The following MKS1 variants were observed in gnomAD, a reference collection of about 807,000 sequenced individuals.
MKS1 encodes the protein MKS transition zone complex subunit 1.
MKS1 carries 70 observed loss-of-function variants against 83.7 expected under a neutral mutation model. The observed-to-expected ratio is 0.84, with a 90% CI of 0.69 to 1.02. The LOEUF (loss-of-function observed/expected upper bound fraction) is 1.02. Among genes scored for constraint, MKS1 ranks in the 50% least tolerant of loss-of-function variants. MKS1 has a pLI of 0.00. For missense variants in MKS1, 681 were observed against 726.9 expected, an observed-to-expected ratio of 0.94 and a Z score of 0.73; for synonymous variants, 251 against 273.4, an observed-to-expected ratio of 0.92 and a Z score of 0.81.
intron 8 of MKS1, among the ~76,000 whole-genome samples, 194 bp from the exon 9 acceptor site, chr17:58,212,628 G>A (rs1199357346): frequency 6.6e-6 from 1 of 152,106 alleles, no homozygotes; most frequent in Non-Finnish European, 1.5e-5. Context: ...CCTGACTCTC[G>A]CCCTTACAAG....
At chr17:58,207,720 G>A (rs1002258061) in intron 14 of MKS1, 174 bp downstream of exon 14, 15 of 695,680 alleles carry the variant, frequency 2.2e-5, no homozygotes, top group African/African-American at 2.1e-4. Flanking sequence ...CCAAGGCCAC[G>A]TCATTGTCGC....
intron 10 of MKS1, 82 bp from the exon 11 acceptor site, chr17:58,210,806 C>T: frequency 6.7e-7 from 1 of 1,485,862 alleles, no homozygotes; most frequent in Non-Finnish European, 9.4e-7. Context: ...GGCCTACACA[C>T]CCTGAGAGCA....
chr17:58,208,629 C>T, intron 11 of MKS1, 46 bp from the exon 12 acceptor site: 2 of 1,524,582 alleles, frequency 1.3e-6, no homozygotes, highest in Non-Finnish European at 1.8e-6. Context: ...GGGAGGAAAG[C>T]AAGTCATTCA....
chr17:58,217,893 T>C (rs1214140741), intron 2 of MKS1, among the ~76,000 whole-genome samples: 4 of 152,176 alleles, frequency 2.6e-5, no homozygotes, highest in Non-Finnish European at 4.4e-5. Context: ...TTTCACAACC[T>C]GTGAGCCCAC....
intron 4 of MKS1, among the ~76,000 whole-genome samples, chr17:58,215,287 A>G (rs1254553141): frequency 6.6e-6 from 1 of 152,128 alleles, no homozygotes; most frequent in Non-Finnish European, 1.5e-5. Flanking sequence ...TTTTTTTAAG[A>G]GACAGGGTCT....
chr17:58,206,421 C>T lies in MKS1; in HGVS notation c.1491-41G>A, dbSNP rs1045585984. 2.5e-6 allele frequency: 4 copies of T among 1,613,942 alleles called. No homozygotes were observed. The African/African-American group carries it at 5.3e-5, about 22-fold the overall frequency. ...CCACATGGTTACGGCTGTCTCCACCCCTCAGGGCTAAGGTGCCCTGAGGCA... is the reference window on the plus strand; with the variant it reads ...CCACATGGTTACGGCTGTCTCCACCTCTCAGGGCTAAGGTGCCCTGAGGCA... On this transcript the variant is annotated intron_variant, in intron 16 of 17. Coordinates refer to ENST00000393119, the MANE Select transcript of MKS1 (RefSeq NM_017777.4).
rs1166983632 is a variant in MKS1, at chr17:58,213,845, A to G, written c.669T>C (p.His223=). ...YKKLGYKKYE[H]VLCTLKVDSN... is the part of the protein sequence containing the mutation. ...TATCCACCTTCAGAGTACACAGGAC[A>G]TGTTCATACTTCTTATAGCCAAGCC... The change falls in exon 7 of 18, where the codon CAT becomes CAC. Residue 223 remains histidine, a synonymous_variant. Coordinates refer to ENST00000393119, the MANE Select transcript of MKS1 (RefSeq NM_017777.4). 1.2e-6 allele frequency: 2 copies of G among 1,614,098 alleles called. No individual in the cohort carries two copies. Among genetic ancestry groups the G allele is most frequent in the Admixed American group, 1.7e-5 (1 of 60,024 alleles).
Position 58,213,047 on chromosome 17 carries a change from T to A in MKS1, c.793A>T (p.Ile265Phe), listed in dbSNP as rs2143794697. The change falls in exon 8 of 18, where the codon ATC (isoleucine) becomes TTC (phenylalanine). Residue 265 changes from isoleucine to phenylalanine, a missense_variant. Ile to Phe is a conservative substitution (Grantham distance 21). Transcript: ENST00000393119. ...TGTGCGTGGGGGGAAACATTGTCGA[T>A]CGTATATTTCCACAGCTCCTGCTTC... ...GEKQELWKYT[I>F]DNVSPHAQPE... is the part of the protein sequence containing the mutation. The A allele has an allele frequency of 6.2e-7, 1 of 1,614,078 alleles. No individual in the cohort carries two copies. Among genetic ancestry groups the A allele is most frequent in the Non-Finnish European group, 8.5e-7 (1 of 1,180,026 alleles).
intron 14 of MKS1, 143 bp from the exon 15 acceptor site, chr17:58,207,361 T>G: frequency 8.7e-7 from 1 of 1,147,846 alleles, no homozygotes; most frequent in Non-Finnish European, 1.2e-6. Flanking sequence ...GTTATCATGG[T>G]TACCCATAGC....
chr17:58,211,704 A>G (rs1189199218), intron 9 of MKS1, among the ~76,000 whole-genome samples: 1 of 150,608 alleles, frequency 6.6e-6, no homozygotes, highest in Non-Finnish European at 1.5e-5. Flanking sequence ...CTGGGACTAC[A>G]GGTATGTATC....
At position 58,213,092 on chromosome 17, in the gene MKS1, T is replaced by C. The variant is rs1396755816; in HGVS notation, c.750-2A>G. ...TGCTTCTCCCCCTCCGTCTCAATCC[T>C]GTAAGGTCAAAACCACAGAAAGGAG... On this transcript the variant is annotated splice_acceptor_variant, in intron 7 of 17. Coordinates refer to ENST00000393119, the MANE Select transcript of MKS1 (RefSeq NM_017777.4). LOFTEE classifies it high-confidence loss of function. 1 of 1,613,972 alleles carries C rather than the reference T, an allele frequency of 6.2e-7. No individual in the cohort carries two copies. The highest frequency in any genetic ancestry group is 1.1e-5 in the South Asian group (1 of 91,072).
chr17:58,206,525 C>A lies in MKS1; in HGVS notation c.1430G>T (p.Gly477Val), dbSNP rs770548274. 1 of 1,613,592 alleles carries A rather than the reference C, an allele frequency of 6.2e-7. No homozygotes were observed. The highest frequency in any genetic ancestry group is 8.5e-7 in the Non-Finnish European group (1 of 1,180,002). ...AGTGCCTGTGGTCTCTGTGCGGAGT[C>A]CAAAGCGGCTCAGGCGTTCCCCCTG... Reference protein sequence around the residue: ...SFKGERLSRFGLRTETTGTVT... With the variant: ...SFKGERLSRFVLRTETTGTVT... The change falls in exon 16 of 18, where the codon GGA (glycine) becomes GTA (valine). Residue 477 changes from glycine to valine, a missense_variant. Gly to Val is a moderately radical substitution (Grantham distance 109). This residue lies in a region of MKS1 where 310 missense variants were observed against 321.7 expected (regional missense o/e 0.96). Coordinates refer to ENST00000393119, the MANE Select transcript of MKS1 (RefSeq NM_017777.4).
At chr17:58,214,951 T>C in intron 4 of MKS1, 113 bp from the exon 5 acceptor site, 2 of 1,495,382 alleles carry the variant, frequency 1.3e-6, no homozygotes, top group South Asian at 2.4e-5. Context: ...ACCCCACAGG[T>C]TCCGCCACCT....
At chr17:58,218,228 C>A (rs1490232609) in intron 2 of MKS1, among the ~76,000 whole-genome samples, 1 of 152,026 alleles carries the variant, frequency 6.6e-6, no homozygotes, top group Non-Finnish European at 1.5e-5. Context: ...GCGGGCGGAT[C>A]ACGAGGTCAG....
rs1555596845 is a variant in MKS1 at position 58,206,492 on chromosome 17, AAGGTGACAGTGCCTGTGGTCTCTGTGCGG to A, written c.1434_1462del (p.Arg479ProfsTer102). The stretch of plus-strand genomic sequence containing the variant: ...GGACTGCTGCAGACAGTGCAAGCGG[AAGGTGACAGTGCCTGTGGTCTCTGTGCGG>A]AGTCCAAAGCGGCTCAGGCGTTCCC... On this transcript the variant is annotated frameshift_variant, in exon 16 of 18. Coordinates refer to ENST00000393119, the MANE Select transcript of MKS1 (RefSeq NM_017777.4). LOFTEE classifies it high-confidence loss of function. 1 of 1,614,064 alleles carries A rather than the reference AAGGTGACAGTGCCTGTGGTCTCTGTGCGG, an allele frequency of 6.2e-7. No homozygotes were observed. The highest frequency in any genetic ancestry group is 2.2e-5 in the East Asian group (1 of 44,862).
intron 14 of MKS1, 199 bp downstream of exon 14, chr17:58,207,695 G>C: frequency 1.5e-6 from 1 of 655,764 alleles, no homozygotes; most frequent in South Asian, 1.7e-5. Flanking sequence ...TGGAGAGACT[G>C]TCAGGAAGTC....
chr17:58,215,983 C>A, intron 4 of MKS1, 105 bp downstream of exon 4: 1 of 1,386,490 alleles, frequency 7.2e-7, no homozygotes. Flanking sequence ...AGACAGGCTA[C>A]TTGTCTCCCC....
intron 6 of MKS1, 121 bp from the exon 7 acceptor site, chr17:58,213,990 T>C (rs1334738754): frequency 2.0e-6 from 2 of 1,015,120 alleles, no homozygotes; most frequent in African/African-American, 1.6e-5. Flanking sequence ...TGGTAAAACT[T>C]TCTTCCAAGT....
rs1968931783 is a variant in MKS1, at chr17:58,212,453, C to A, written c.859-19G>T. The A allele has an allele frequency of 6.2e-7, 1 of 1,614,072 alleles. No individual in the cohort carries two copies. On this transcript the variant is annotated intron_variant, in intron 8 of 17. Coordinates refer to ENST00000393119, the MANE Select transcript of MKS1 (RefSeq NM_017777.4). ...CATAAAGCTGAGGAAACAAACCAAA[C>A]CAAAACTCAAGATGCAACCCAAGCT...
Sources: allele counts gnomAD v4.1 joint callset (sites outside exome capture counted in the v4.1 genomes callset), GRCh38; gene constraint gnomAD v4.1.1; regional missense constraint gnomAD v4.1.1; transcripts MANE v1.5; gene names NCBI Gene and HGNC (gene_info 2026-07-23, HGNC 2026-07-21).